SORL1: variants seen among roughly 807,000 people sequenced by gnomAD.
The protein encoded by SORL1 is sortilin-related receptor.
A neutral mutation model predicts 273.7 loss-of-function variants in SORL1; 127 were observed. The ratio of observed to expected loss-of-function variants is 0.46; its 90% CI spans 0.40 to 0.54. The LOEUF is 0.54. SORL1 is among the 20% of genes least tolerant of loss of function. The pLI is 0.00. For synonymous variants in SORL1, 1,031 were observed against 1,067.4 expected (o/e 0.97, Z 0.66); for missense variants, 2,494 against 2,846.1 (o/e 0.88, Z 2.81).
intron 32 of SORL1, among the ~76,000 whole-genome samples, chr11:121,599,652 G>T (rs905998097): frequency 5.9e-5 from 9 of 152,172 alleles, no homozygotes; most frequent in African/African-American, 2.2e-4. Context: ...ATGTCTTTCA[G>T]TTGTAAGGTT....
At chr11:121,462,387 A>G (rs1042707736) in intron 1 of SORL1, among the ~76,000 whole-genome samples, 6 of 151,684 alleles carry the variant, frequency 4.0e-5, no homozygotes, top group East Asian at 1.9e-4. Context: ...CCTTTTCCCT[A>G]ACTCCTCCCT....
At chr11:121,608,000 C>T (rs2134927713) in intron 37 of SORL1, 104 bp from the exon 38 acceptor site, 4 of 1,009,878 alleles carry the variant, frequency 4.0e-6, no homozygotes, top group South Asian at 1.5e-5. Context: ...TTTTTCCAGC[C>T]TCACTGCCAA....
intron 1 of SORL1, among the ~76,000 whole-genome samples, chr11:121,465,035 C>G (rs1565300922): frequency 6.6e-6 from 1 of 152,194 alleles, no homozygotes; most frequent in Admixed American, 6.5e-5. Context: ...TTTCACATTA[C>G]ATAAAATTAG....
At chr11:121,616,822 C>T (rs1863649552) in intron 41 of SORL1, among the ~76,000 whole-genome samples, 1 of 152,210 alleles carries the variant, frequency 6.6e-6, no homozygotes, top group Non-Finnish European at 1.5e-5. Flanking sequence ...TGACACAGCC[C>T]TCAGGAGGTC....
At chr11:121,504,342 G>A (rs746888299) in intron 6 of SORL1, among the ~76,000 whole-genome samples, 1 of 152,162 alleles carries the variant, frequency 6.6e-6, no homozygotes, top group Non-Finnish European at 1.5e-5. Flanking sequence ...AACCTGGGAG[G>A]TGGAGATTGC....
chr11:121,539,546 A>G (rs1486559021), intron 12 of SORL1, among the ~76,000 whole-genome samples: 2 of 152,158 alleles, frequency 1.3e-5, no homozygotes. Flanking sequence ...TTTAACTTAA[A>G]TGGTTTTTCT....
chr11:121,591,883 T>C (rs1182633262), intron 31 of SORL1, among the ~76,000 whole-genome samples: 2 of 152,222 alleles, frequency 1.3e-5, no homozygotes, highest in East Asian at 3.8e-4. Flanking sequence ...TTAGTGAACC[T>C]AAAGCATGTA....
rs533241040 is a variant in SORL1 at position 121,516,783 on chromosome 11, G to A, written c.1211+2462G>A. 3.9e-5 allele frequency among the ~76,000 whole-genome samples: 6 copies of A among 152,210 alleles called. No homozygotes were observed. The South Asian group carries it at 1.2e-3, about 32-fold the overall frequency. ...AAAAATTATTTACTGGCCGGGCATG[G>A]TGGCTCACGCCTGTAAACCCAGCAC... On this transcript the variant is annotated intron_variant, in intron 8 of 47. Coordinates refer to ENST00000260197, the MANE Select transcript of SORL1 (RefSeq NM_003105.6).
chr11:121,527,499 G>A (rs1365894226), intron 11 of SORL1, among the ~76,000 whole-genome samples: 1 of 151,780 alleles, frequency 6.6e-6, no homozygotes, highest in African/African-American at 2.4e-5. Flanking sequence ...TTAGTGTTTG[G>A]CTAGTATCAT....
In SORL1 at chr11:121,627,379, A is replaced by G; in HGVS notation, c.6365-176A>G. 1 of 616,370 alleles carries G rather than the reference A, an allele frequency of 1.6e-6. No individual in the cohort carries two copies. Among genetic ancestry groups the G allele is most frequent in the Non-Finnish European group, 2.9e-6 (1 of 345,354 alleles). The allele number at this position is 616,370 out of a possible 1,614,324, so 38.2% of individuals were successfully genotyped here. A position where few individuals can be genotyped will look rare whatever the true frequency, so the allele number is the denominator to read the frequency against. ...GCCCTTGGTCTATCAGCTCATGGCA[A>G]GTAGTGGGGAAGCAATCAGGCATCA... On this transcript the variant is annotated intron_variant, in intron 46 of 47. Coordinates refer to ENST00000260197, the MANE Select transcript of SORL1 (RefSeq NM_003105.6). This position sits in a 1 kb window ranked among gnomAD's most constrained non-coding sequence, Gnocchi z 4.9.
chr11:121,523,049 A>G, intron 11 of SORL1, 60 bp downstream of exon 11: 4 of 1,147,250 alleles, frequency 3.5e-6, no homozygotes, highest in Non-Finnish European at 5.3e-6. Flanking sequence ...GTGAGAATGT[A>G]GACTGTGCCT....
intron 21 of SORL1, 120 bp downstream of exon 21, chr11:121,559,777 G>A: frequency 1.3e-6 from 1 of 788,320 alleles, no homozygotes; most frequent in Non-Finnish European, 2.0e-6. Context: ...ACGACAACAT[G>A]CACATTATTT....
chr11:121,550,040 C>A lies in SORL1; in HGVS notation c.2132C>A (p.Ser711Tyr), dbSNP rs758037197. The change falls in exon 15 of 48, where the codon TCC (serine) becomes TAC (tyrosine). Residue 711 changes from serine (S) to tyrosine (Y), a missense_variant. Ser to Tyr is a moderately radical substitution (Grantham distance 144). Transcript: ENST00000260197. This position sits in a 1 kb window ranked among gnomAD's most constrained non-coding sequence, Gnocchi z 5.3. The part of the protein sequence containing the change: ...PDPEFSGKSY[S>Y]PPVPCPVGST... ...CCGGAATTTTCTGGAAAGTCATACT[C>A]CCCTCCTGTGCCTTGCCCTGTGGGT... is the stretch of plus-strand genomic sequence containing the variant. The A allele has an allele frequency of 1.2e-6, 2 of 1,613,668 alleles. No homozygotes were observed. The highest frequency in any genetic ancestry group is 1.7e-6 in the Non-Finnish European group (2 of 1,179,690).
At chr11:121,601,431 C>T (rs1860000845) in intron 32 of SORL1, among the ~76,000 whole-genome samples, 2 of 150,674 alleles carry the variant, frequency 1.3e-5, no homozygotes, top group Admixed American at 6.6e-5. Flanking sequence ...ATGGCTGGGT[C>T]AAATGGTATT....
intron 1 of SORL1, among the ~76,000 whole-genome samples, chr11:121,457,296 T>C (rs1412535966): frequency 6.6e-6 from 1 of 152,190 alleles, no homozygotes; most frequent in African/African-American, 2.4e-5. Flanking sequence ...GATTAGGTAA[T>C]GCACGTTTAC....
chr11:121,503,880 A>G (rs1417467596), intron 6 of SORL1, among the ~76,000 whole-genome samples: 9 of 152,094 alleles, frequency 5.9e-5, no homozygotes, highest in Non-Finnish European at 5.9e-5. Context: ...TTGCATTTCC[A>G]TGTGTATTTT....
At chr11:121,575,648 G>T (rs1014584906) in intron 24 of SORL1, among the ~76,000 whole-genome samples, 5 of 152,220 alleles carry the variant, frequency 3.3e-5, no homozygotes, top group Non-Finnish European at 7.3e-5. Context: ...CCCTAGCCTG[G>T]CTCTTGGAAG....
chr11:121,628,568 C>G (rs548312950), intron 47 of SORL1, among the ~76,000 whole-genome samples: 3 of 152,302 alleles, frequency 2.0e-5, no homozygotes, highest in African/African-American at 7.2e-5. Context: ...GTACTGATGG[C>G]CCTCGGCCCG....
At position 121,580,269 on chromosome 11, in the gene SORL1, C is replaced by A. The variant is rs536727494; in HGVS notation, c.3580+2869C>A. 4.6e-5 allele frequency among the ~76,000 whole-genome samples: 7 copies of A among 152,276 alleles called. No individual in the cohort carries two copies. In the South Asian group the frequency reaches 1.5e-3, roughly 32 times the overall value. On this transcript the variant is annotated intron_variant, in intron 25 of 47. Transcript: ENST00000260197. The stretch of plus-strand genomic sequence containing the variant: ...TCTTCAGCAGTTACTCTAAGCCATT[C>A]GTTGGACTGCCTCATTCTGTTGTTC...
Sources: gnomAD v4.1 joint callset for allele counts (sites outside exome capture counted in the v4.1 genomes callset) on GRCh38, gnomAD v4.1.1 for gene constraint, Gnocchi (gnomAD v3.1) non-coding constraint, MANE v1.5 for transcripts, NCBI Gene and HGNC (gene_info 2026-07-23, HGNC 2026-07-21) for gene names.